TRMT1L: variants seen among roughly 807,000 people sequenced by gnomAD.
TRMT1L encodes tRNA (guanine(27)-N(2))-dimethyltransferase.
In TRMT1L, 28 loss-of-function variants were observed where a neutral mutation model predicts 81.6. That is an observed-to-expected ratio of 0.34 (90% CI 0.25 to 0.47). The LOEUF is 0.47. Among genes scored for constraint, TRMT1L ranks in the 20% least tolerant of loss-of-function variants. The probability of loss-of-function intolerance (pLI) is 1.00; values close to 1 mark genes in which losing one functional copy is unlikely to be tolerated. For synonymous variants in TRMT1L, 301 were observed against 303.2 expected (o/e 0.99, Z 0.07); for missense variants, 739 against 877.1 (o/e 0.84, Z 1.99).
intron 10 of TRMT1L, among the ~76,000 whole-genome samples, chr1:185,133,401 G>A (rs926765441): frequency 2.0e-5 from 3 of 151,990 alleles, no homozygotes; most frequent in Admixed American, 2.0e-4. Context: ...CTTCCAAAAT[G>A]ATCAGCAATA....
intron 2 of TRMT1L, among the ~76,000 whole-genome samples, 177 bp from the exon 3 acceptor site, chr1:185,150,669 T>C (rs145952696): frequency 1.3e-4 from 20 of 152,186 alleles, no homozygotes; most frequent in African/African-American, 3.6e-4. Flanking sequence ...TTGCAGCACA[T>C]GATCAGTGAT....
rs143699720 is a variant in TRMT1L, at chr1:185,132,528, AT to A, written c.1514-3782del. Among the ~76,000 whole-genome samples, 527 of 150,196 alleles carry A rather than the reference AT, an allele frequency of 3.5e-3. 5 individuals carry two copies. Among genetic ancestry groups the A allele is most frequent in the African/African-American group, 0.012 (505 of 40,750 alleles). On this transcript the variant is annotated intron_variant, in intron 10 of 14. Transcript: ENST00000367506. ...AGCGATACTCCACCTCAAAAAAAAAATAAATAAAAATAAAAATAAAAATAAA... is the reference window on the plus strand; with the variant it reads ...AGCGATACTCCACCTCAAAAAAAAAAAAATAAAAATAAAAATAAAAATAAA...
Position 185,156,521 on chromosome 1 carries a change from G to C in TRMT1L, c.192C>G (p.Ala64=). 1 of 1,613,452 alleles carries C rather than the reference G, an allele frequency of 6.2e-7. No homozygotes were observed. Residue 64 remains alanine, a synonymous_variant, in exon 1 of 15, where the codon GCC becomes GCG. Transcript: ENST00000367506. ...GGGCAGAGGCTAGGGACGGGGACAG[G>C]GCCGGAGCCTGGGCCAGGGCAGGGG... The part of the protein sequence containing the change: ...APAPALAQAP[A]LSPSLASAPE...
chr1:185,142,778 T>C (rs1052036113), intron 7 of TRMT1L, among the ~76,000 whole-genome samples: 4 of 152,024 alleles, frequency 2.6e-5, no homozygotes, highest in Non-Finnish European at 5.9e-5. Context: ...TGCGGGAAAC[T>C]CTATGGGTCA....
At position 185,140,539 on chromosome 1, in the gene TRMT1L, T is replaced by C. The variant is rs553758603; in HGVS notation, c.860-317A>G. Among the ~76,000 whole-genome samples, 42 of 152,282 alleles carry C rather than the reference T, an allele frequency of 2.8e-4. 2 individuals carry two copies. In the South Asian group the frequency reaches 3.1e-3, roughly 11 times the overall value. ...TTTTTTCTGACCATGGAATACTTTATACAAATGGGATTACTCTGCTTGAAG... is the reference window on the plus strand; with the variant it reads ...TTTTTTCTGACCATGGAATACTTTACACAAATGGGATTACTCTGCTTGAAG... On this transcript the variant is annotated intron_variant, in intron 7 of 14. Coordinates refer to ENST00000367506, the MANE Select transcript of TRMT1L (RefSeq NM_030934.5).
chr1:185,155,302 C>T (rs187097403), intron 1 of TRMT1L, among the ~76,000 whole-genome samples: 1 of 152,180 alleles, frequency 6.6e-6, no homozygotes, highest in Non-Finnish European at 1.5e-5. Flanking sequence ...AGGTAGGAGG[C>T]TACTTAGGAG....
intron 1 of TRMT1L, among the ~76,000 whole-genome samples, chr1:185,154,268 A>G (rs1476773059): frequency 6.6e-6 from 1 of 152,122 alleles, no homozygotes; most frequent in Non-Finnish European, 1.5e-5. Context: ...ATCATAGCTC[A>G]CTGCAGCCTC....
Position 185,139,990 on chromosome 1 carries a change from C to G in TRMT1L, c.1092G>C (p.Leu364Phe), listed in dbSNP as rs1267064049. The change falls in exon 8 of 15, where the codon TTG (leucine) becomes TTC (phenylalanine). Residue 364 changes from leucine (L) to phenylalanine (F), a missense_variant. Leu to Phe is a conservative substitution (Grantham distance 22). Around this residue, in one of 4 missense-constraint regions of TRMT1L, gnomAD observed 331 missense variants for 462.2 expected, o/e 0.72. Transcript: ENST00000367506. ...CTACTTACATGAAATCAAAAGATCT[C>G]AAATGCATCAGTACATTGGCATCCA... ...TKMDANVLMH[L>F]RSFDFIHLDP... 5.0e-6 allele frequency: 8 copies of G among 1,609,800 alleles called. No individual in the cohort carries two copies. The highest frequency in any genetic ancestry group is 6.8e-6 in the Non-Finnish European group (8 of 1,178,000).
At chr1:185,128,336 C>A (rs921047902) in intron 11 of TRMT1L, among the ~76,000 whole-genome samples, 2 of 151,972 alleles carry the variant, frequency 1.3e-5, no homozygotes, top group Non-Finnish European at 2.9e-5. Flanking sequence ...TTATTGTGAT[C>A]ATTTAAAAAT....
intron 10 of TRMT1L, among the ~76,000 whole-genome samples, chr1:185,133,787 C>T (rs1012825292): frequency 1.3e-5 from 2 of 151,832 alleles, no homozygotes; most frequent in African/African-American, 4.8e-5. Context: ...TGTGAGAGAC[C>T]CCGAGCTAGT....
At chr1:185,148,856 T>C (rs949830816) in intron 3 of TRMT1L, among the ~76,000 whole-genome samples, 12 of 152,214 alleles carry the variant, frequency 7.9e-5, no homozygotes, top group African/African-American at 2.2e-4. Context: ...TTTTTAGTAG[T>C]ACTACTAAGA....
At chr1:185,123,134 A>C (rs1447555316) in intron 13 of TRMT1L, among the ~76,000 whole-genome samples, 1 of 152,200 alleles carries the variant, frequency 6.6e-6, no homozygotes. Flanking sequence ...AGTTATTTAA[A>C]CTATATACTA....
intron 11 of TRMT1L, among the ~76,000 whole-genome samples, chr1:185,126,065 G>T (rs1652620801): frequency 6.6e-6 from 1 of 152,066 alleles, no homozygotes; most frequent in African/African-American, 2.4e-5. Context: ...TGATAAACTG[G>T]ATTCCAATCC....
intron 9 of TRMT1L, 130 bp downstream of exon 9, chr1:185,139,237 C>T (rs1452863498): frequency 3.2e-5 from 21 of 655,644 alleles, no homozygotes; most frequent in Non-Finnish European, 4.6e-5. Context: ...GATTAAAAAC[C>T]AGTATTACAG....
At position 185,137,721 on chromosome 1, in the gene TRMT1L, C is replaced by T; in HGVS notation, c.1398G>A (p.Val466=). Residue 466 remains valine, a synonymous_variant, in exon 10 of 15, where the codon GTG becomes GTA. Transcript: ENST00000367506. ...CTGAAGTAGGTCCCCTCAAAACTCTCACAACTACCAACACAAAATGTTCCA... is the reference window on the plus strand; with the variant it reads ...CTGAAGTAGGTCCCCTCAAAACTCTTACAACTACCAACACAAAATGTTCCA... ...VALEHFVLVV[V]RVLRGPTSAD... The T allele has an allele frequency of 6.2e-7, 1 of 1,614,130 alleles. No individual in the cohort carries two copies. Among genetic ancestry groups the T allele is most frequent in the Non-Finnish European group, 8.5e-7 (1 of 1,180,024 alleles).
In TRMT1L at chr1:185,137,877, C is replaced by T. The variant is rs977154962; in HGVS notation, c.1323-81G>A. On this transcript the variant is annotated intron_variant, in intron 9 of 14. Coordinates refer to ENST00000367506, the MANE Select transcript of TRMT1L (RefSeq NM_030934.5). ...ATTATACTGACAATATTAACCTGGACAGTATACTATGGATAAGTTATGGGA... is the reference window on the plus strand; with the variant it reads ...ATTATACTGACAATATTAACCTGGATAGTATACTATGGATAAGTTATGGGA... 3.6e-6 allele frequency: 5 copies of T among 1,389,580 alleles called. No homozygotes were observed. The African/African-American group carries it at 7.2e-5, about 20-fold the overall frequency. 86.1% of individuals were successfully genotyped at this position (1,389,580 alleles called of 1,614,324 possible).
Position 185,120,523 on chromosome 1 carries a change from A to C in TRMT1L, c.1823-14T>G, listed in dbSNP as rs1013185512. On this transcript the variant is annotated splice_polypyrimidine_tract_variant and intron_variant, in intron 13 of 14. Transcript: ENST00000367506. ...TTTTTCTCTTTCCTGCAACATACACATACAAAGTTAGCATGCTCTTAAAAA... is the reference window on the plus strand; with the variant it reads ...TTTTTCTCTTTCCTGCAACATACACCTACAAAGTTAGCATGCTCTTAAAAA... 6.4e-7 allele frequency: 1 copy of C among 1,552,342 alleles called. No homozygotes were observed.
At chr1:185,142,398 CA>C (rs1343237674) in intron 7 of TRMT1L, among the ~76,000 whole-genome samples, 3 of 152,274 alleles carry the variant, frequency 2.0e-5, no homozygotes, top group Middle Eastern at 3.4e-3. Flanking sequence ...TCCTTTGGCA[CA>C]AACTCCCCAA....
At chr1:185,142,986 T>C (rs73068806) in intron 7 of TRMT1L, among the ~76,000 whole-genome samples, 157 of 152,316 alleles carry the variant, frequency 1.0e-3, no homozygotes, top group African/African-American at 3.6e-3. Flanking sequence ...TTTTAAAGTA[T>C]GATGACAGTA....
Sources: gnomAD v4.1 joint callset for allele counts (sites outside exome capture counted in the v4.1 genomes callset) on GRCh38, gnomAD v4.1.1 for gene constraint, gnomAD v4.1.1 regional missense constraint, MANE v1.5 for transcripts, NCBI Gene and HGNC (gene_info 2026-07-23, HGNC 2026-07-21) for gene names.